CHODL: variants seen among roughly 807,000 people sequenced by gnomAD.
CHODL encodes the protein chondrolectin.
CHODL carries 29 observed loss-of-function variants against 34.5 expected under a neutral mutation model. That is an observed-to-expected ratio of 0.84 (90% CI 0.63 to 1.15). The LOEUF is 1.15. Among genes scored for constraint, CHODL ranks in the 50% most tolerant of loss-of-function variants. The probability of loss-of-function intolerance (pLI) is 0.00; values close to 1 mark genes in which losing one functional copy is unlikely to be tolerated. For missense variants in CHODL, 332 were observed against 332.5 expected (o/e 1.00, Z 0.01); for synonymous variants, 125 against 116.1 (o/e 1.08, Z -0.49).
chr21:18,245,787 CG>C, intron 1 of CHODL: 1 of 809,604 alleles, frequency 1.2e-6, no homozygotes, highest in Non-Finnish European at 2.0e-6. Context: ...GGGTCGCCTC[CG>C]GATGCCTGGG....
At chr21:18,140,145 T>A (rs1409267709) in intron 2 of CHODL, among the ~76,000 whole-genome samples, 1 of 152,108 alleles carries the variant, frequency 6.6e-6, no homozygotes, top group South Asian at 2.1e-4. Context: ...CTTTTTGGAG[T>A]CCACTCCCTG....
At chr21:17,926,700 G>T (rs557603230) in intron 1 of CHODL, among the ~76,000 whole-genome samples, 7 of 152,166 alleles carry the variant, frequency 4.6e-5, no homozygotes, top group African/African-American at 1.7e-4. Context: ...ACCTGGTCCC[G>T]CCCTTGACAC....
chr21:18,261,983 G>T (rs996876384), intron 4 of CHODL, among the ~76,000 whole-genome samples: 1 of 151,732 alleles, frequency 6.6e-6, no homozygotes, highest in East Asian at 1.9e-4. Flanking sequence ...TTATTGGCTA[G>T]GTAATTACTT....
rs555517961 is a variant in CHODL, at chr21:17,946,403, A to G, written c.-145+29003A>G. Among the ~76,000 whole-genome samples the G allele has an allele frequency of 1.5e-4, 23 of 152,300 alleles. No homozygotes were observed. The South Asian group carries it at 3.1e-3, about 21-fold the overall frequency. The stretch of plus-strand genomic sequence containing the variant: ...CCACTGCACTCCAGCCTGGGCGACA[A>G]AGCGAGACAGAGATTTTCCCAGACA... On this transcript the variant is annotated intron_variant, in intron 1 of 6. Coordinates refer to the CHODL transcript ENST00000400127.
chr21:18,178,439 G>A (rs981520511), intron 2 of CHODL, among the ~76,000 whole-genome samples: 6 of 151,906 alleles, frequency 3.9e-5, no homozygotes, highest in Non-Finnish European at 7.4e-5. Flanking sequence ...TTCATTGCTG[G>A]CCCCCCTTCC....
At chr21:18,037,204 C>G (rs568796812) in intron 2 of CHODL, among the ~76,000 whole-genome samples, 1 of 152,002 alleles carries the variant, frequency 6.6e-6, no homozygotes, top group African/African-American at 2.4e-5. Flanking sequence ...AAAACTTATA[C>G]AGCAAGCGAT....
chr21:18,202,444 C>G (rs59197425), intron 2 of CHODL, among the ~76,000 whole-genome samples: 1 of 152,146 alleles, frequency 6.6e-6, no homozygotes, highest in African/African-American at 2.4e-5. Flanking sequence ...GCTCTCACCC[C>G]TTCTCCACCC....
chr21:18,139,628 A>T (rs996541047), intron 2 of CHODL, among the ~76,000 whole-genome samples: 1 of 152,036 alleles, frequency 6.6e-6, no homozygotes, highest in African/African-American at 2.4e-5. Flanking sequence ...TTTAAGAGCT[A>T]CTCTCTGATA....
intron 2 of CHODL, among the ~76,000 whole-genome samples, chr21:18,165,098 C>T (rs2073137102): frequency 6.6e-6 from 1 of 151,916 alleles, no homozygotes; most frequent in Non-Finnish European, 1.5e-5. Flanking sequence ...TGTTTAGCAG[C>T]ATCTCTGACC....
rs538428118 is a variant in CHODL, at chr21:18,015,054, C to T, written c.-144-12818C>T. 1.7e-4 allele frequency among the ~76,000 whole-genome samples: 26 copies of T among 152,220 alleles called. No individual in the cohort carries two copies. In the South Asian group the frequency reaches 5.2e-3, roughly 30 times the overall value. ...GAAACTTCTTAGAGACTGGTTAAAT[C>T]GTTGTATACAAAATGCTGATAGTGA... On this transcript the variant is annotated intron_variant, in intron 1 of 6. Coordinates refer to the CHODL transcript ENST00000400127.
At chr21:18,227,930 G>T (rs574170768) in intron 2 of CHODL, among the ~76,000 whole-genome samples, 1 of 152,164 alleles carries the variant, frequency 6.6e-6, no homozygotes, top group African/African-American at 2.4e-5. Context: ...AGAAGAACAA[G>T]ACTTTTGTTT....
At chr21:18,138,999 A>G (rs757905030) in intron 2 of CHODL, among the ~76,000 whole-genome samples, 1 of 152,054 alleles carries the variant, frequency 6.6e-6, no homozygotes, top group Non-Finnish European at 1.5e-5. Context: ...GGGTAATATT[A>G]TATTTTATTT....
At chr21:17,918,816 A>G (rs1365040892) in intron 1 of CHODL, among the ~76,000 whole-genome samples, 2 of 152,238 alleles carry the variant, frequency 1.3e-5, no homozygotes, top group East Asian at 3.9e-4. Context: ...AGCCTGTAAA[A>G]TCAAAAGCAG....
intron 1 of CHODL, among the ~76,000 whole-genome samples, chr21:17,980,361 T>C (rs2063704110): frequency 6.6e-6 from 1 of 152,200 alleles, no homozygotes; most frequent in African/African-American, 2.4e-5. Context: ...GCAGTAGAAA[T>C]GTACGCTCTC....
At chr21:18,138,323 T>C (rs1380690940) in intron 2 of CHODL, among the ~76,000 whole-genome samples, 1 of 152,184 alleles carries the variant, frequency 6.6e-6, no homozygotes, top group Non-Finnish European at 1.5e-5. Context: ...ATATGGAATC[T>C]TAAAAATATT....
chr21:18,100,606 T>C (rs1016478810), intron 2 of CHODL, among the ~76,000 whole-genome samples: 1 of 152,146 alleles, frequency 6.6e-6, no homozygotes, highest in Non-Finnish European at 1.5e-5. Flanking sequence ...AGAAACAGTT[T>C]GAATTTGCTG....
At position 17,986,807 on chromosome 21, in the gene CHODL, C is replaced by G. The variant is rs2063757105; in HGVS notation, c.-144-41065C>G. Among the ~76,000 whole-genome samples, 4 of 152,098 alleles carry G rather than the reference C, an allele frequency of 2.6e-5. No individual in the cohort carries two copies. The South Asian group carries it at 8.3e-4, about 32-fold the overall frequency. On this transcript the variant is annotated intron_variant, in intron 1 of 6. Coordinates refer to the CHODL transcript ENST00000400127. ...AGTGTAAAAGCGTTCCTATTTTTCC[C>G]AGCAGTACTTTAATTAATCAGATTA... is the stretch of plus-strand genomic sequence containing the variant.
At chr21:18,132,192 A>G (rs1055901874) in intron 2 of CHODL, among the ~76,000 whole-genome samples, 1 of 152,216 alleles carries the variant, frequency 6.6e-6, no homozygotes, top group Non-Finnish European at 1.5e-5. Context: ...TTTTAAATTT[A>G]TGAGTTCATT....
chr21:18,033,086 G>C (rs1354255502), intron 2 of CHODL, among the ~76,000 whole-genome samples: 1 of 151,954 alleles, frequency 6.6e-6, no homozygotes. Flanking sequence ...GAGTAAACGA[G>C]GTCAGAGGAT....
Sources: gnomAD v4.1 joint callset for allele counts (sites outside exome capture counted in the v4.1 genomes callset) on GRCh38, gnomAD v4.1.1 for gene constraint, MANE v1.5 for transcripts, NCBI Gene and HGNC (gene_info 2026-07-23, HGNC 2026-07-21) for gene names.